Variants in LPIN1 observed in about 807,000 individuals in gnomAD.
The protein encoded by LPIN1 is lipin 1, also known as phosphatidate phosphatase LPIN1.
A neutral mutation model predicts 107.5 loss-of-function variants in LPIN1; 71 were observed. The observed-to-expected ratio is 0.66, with a 90% CI of 0.55 to 0.80. The LOEUF (loss-of-function observed/expected upper bound fraction) is 0.80. Among genes scored for constraint, LPIN1 ranks in the 30% least tolerant of loss-of-function variants. The pLI is 0.00. For missense variants in LPIN1, 1,043 were observed against 1,160.6 expected, an observed-to-expected ratio of 0.90 and a Z score of 1.47; for synonymous variants, 445 against 452.6, an observed-to-expected ratio of 0.98 and a Z score of 0.21.
chr2:11,804,498 T>C lies in LPIN1; in HGVS notation c.2089T>C (p.Cys697Arg). 1 of 1,614,200 alleles carries C rather than the reference T, an allele frequency of 6.2e-7. No individual in the cohort carries two copies. Among genetic ancestry groups the C allele is most frequent in the South Asian group, 1.1e-5 (1 of 91,078 alleles). ...VTTQYQGTCRCEGTIYLWNWD... is the reference protein window; with the variant it reads ...VTTQYQGTCRREGTIYLWNWD... ...CACGCAGTACCAAGGCACGTGCCGC[T>C]GTGAGGGCACCATCTATCTGTGGAA... The change falls in exon 16 of 21, where the codon TGT becomes CGT. Residue 697 changes from cysteine to arginine, a missense_variant. By Grantham distance (180) the Cys-to-Arg change is radical (BLOSUM62 -3). Coordinates refer to ENST00000674199, the MANE Select transcript of LPIN1 (RefSeq NM_001349206.2).
At chr2:11,779,899 G>A (rs532776908) in intron 7 of LPIN1, among the ~76,000 whole-genome samples, 1 of 109,188 alleles carries the variant, frequency 9.2e-6, no homozygotes, top group African/African-American at 3.0e-5. Flanking sequence ...TTTTTTTCTT[G>A]AGACAGAGTC....
At chr2:11,772,275 C>T (rs1671979544) in intron 4 of LPIN1, among the ~76,000 whole-genome samples, 1 of 152,180 alleles carries the variant, frequency 6.6e-6, no homozygotes, top group African/African-American at 2.4e-5. Context: ...GGGCATGGAC[C>T]CCAGGGGTTG....
intron 1 of LPIN1, among the ~76,000 whole-genome samples, chr2:11,678,331 G>A (rs1025017949): frequency 2.0e-5 from 3 of 152,210 alleles, no homozygotes; most frequent in Non-Finnish European, 2.9e-5. Context: ...AGTGGAGGGC[G>A]TTCGAATAAC....
chr2:11,815,041 G>A, intron 17 of LPIN1, 47 bp from the exon 18 acceptor site: 1 of 1,561,730 alleles, frequency 6.4e-7, no homozygotes, highest in South Asian at 1.1e-5. Context: ...ATGCAGAAAG[G>A]TTCCATTTTC....
chr2:11,713,501 C>T (rs1397696260), intron 1 of LPIN1, among the ~76,000 whole-genome samples: 2 of 152,208 alleles, frequency 1.3e-5, no homozygotes, highest in Non-Finnish European at 2.9e-5. Flanking sequence ...AAACTCCTGA[C>T]CTCAGGTGAT....
intron 1 of LPIN1, chr2:11,681,639 C>G (rs765755530): frequency 6.6e-6 from 1 of 152,380 alleles, no homozygotes; most frequent in African/African-American, 2.4e-5. Flanking sequence ...CCCGTCGGCT[C>G]TGTTCTTTCC....
Position 11,820,507 on chromosome 2 carries a change from A to C in LPIN1, c.2614A>C (p.Ile872Leu). 2 of 1,605,500 alleles carry C rather than the reference A, an allele frequency of 1.2e-6. No homozygotes were observed. Among genetic ancestry groups the C allele is most frequent in the Non-Finnish European group, 1.7e-6 (2 of 1,172,106 alleles). The change falls in exon 20 of 21, where the codon ATC becomes CTC. Residue 872 changes from isoleucine to leucine, a missense_variant. Coordinates refer to ENST00000674199, the MANE Select transcript of LPIN1 (RefSeq NM_001349206.2). ...GGTACAGGAACATGCAAAGACCAACATCTCTTCGTGAGTATTGTACACATT... is the reference window on the plus strand; with the variant it reads ...GGTACAGGAACATGCAAAGACCAACCTCTCTTCGTGAGTATTGTACACATT... ...ELVQEHAKTNISSYVRLCEVV... is the reference protein window; with the variant it reads ...ELVQEHAKTNLSSYVRLCEVV...
At chr2:11,769,489 G>A (rs1438144951) in intron 3 of LPIN1, among the ~76,000 whole-genome samples, 1 of 152,038 alleles carries the variant, frequency 6.6e-6, no homozygotes, top group Non-Finnish European at 1.5e-5. Flanking sequence ...CCCTTATCGG[G>A]TATATGATTT....
rs1671831771 is a variant in LPIN1, at chr2:11,771,493, C to A, written c.410C>A (p.Ala137Asp). 1.2e-6 allele frequency: 2 copies of A among 1,614,072 alleles called. No individual in the cohort carries two copies. Among genetic ancestry groups the A allele is most frequent in the Non-Finnish European group, 1.7e-6 (2 of 1,180,048 alleles). The change falls in exon 4 of 21, where the codon GCC (alanine) becomes GAC (aspartate). Residue 137 changes from alanine to aspartate, a missense_variant. Transcript: ENST00000674199. The surrounding 1 kb of genome is among the most constrained non-coding windows in gnomAD (Gnocchi z 4.8). ...RMRGLDPSTP[A>D]QVIAPSETPS... ...AGAGGCCTGGACCCCAGCACGCCAG[C>A]CCAAGTGATCGCTCCCAGCGAGACG...
intron 19 of LPIN1, among the ~76,000 whole-genome samples, chr2:11,820,000 C>T (rs1681244990): frequency 1.3e-5 from 2 of 152,264 alleles, no homozygotes; most frequent in African/African-American, 2.4e-5. Flanking sequence ...GAAAGAAGCG[C>T]TTTGAGATTT....
chr2:11,801,520 G>T (rs113712288), intron 14 of LPIN1, among the ~76,000 whole-genome samples: 4 of 152,272 alleles, frequency 2.6e-5, no homozygotes, highest in African/African-American at 9.6e-5. Flanking sequence ...CAAATATCAC[G>T]TGTTCTTACT....
intron 1 of LPIN1, among the ~76,000 whole-genome samples, chr2:11,740,712 G>GA (rs1321624540): frequency 9.5e-5 from 11 of 115,868 alleles, no homozygotes; most frequent in African/African-American, 2.9e-4. Context: ...AAGGAAGAAA[G>GA]AAAGAAAAGA....
At chr2:11,804,982 G>GTTTTTTTTT in intron 16 of LPIN1, 88 bp from the exon 17 acceptor site, 1 of 704,170 alleles carries the variant, frequency 1.4e-6, no homozygotes, top group Non-Finnish European at 2.4e-6. Flanking sequence ...TCTTGTTTGT[G>GTTTTTTTTT]TTTTTTTTTT....
At chr2:11,794,603 TA>T (rs1215565244) in intron 13 of LPIN1, among the ~76,000 whole-genome samples, 1 of 152,016 alleles carries the variant, frequency 6.6e-6, no homozygotes, top group Non-Finnish European at 1.5e-5. Context: ...TTTTCTTTAT[TA>T]AAGGACCGTA....
At chr2:11,745,761 T>G (rs946972577), upstream of LPIN1, 2 of 152,474 alleles carry the variant, frequency 1.3e-5, no homozygotes, top group Admixed American at 1.3e-4. Flanking sequence ...CTCCTTGCCT[T>G]GGCCTACAAG....
intron 10 of LPIN1, 25 bp downstream of exon 10, chr2:11,785,101 C>T: frequency 2.0e-6 from 3 of 1,514,292 alleles, no homozygotes; most frequent in Non-Finnish European, 2.6e-6. Flanking sequence ...GCGCGGGCGC[C>T]CTCTGGTGGC....
chr2:11,766,881 G>A (rs558715116), intron 2 of LPIN1, among the ~76,000 whole-genome samples: 5 of 152,308 alleles, frequency 3.3e-5, no homozygotes, highest in South Asian at 4.1e-4. Flanking sequence ...GGAGGAAAGC[G>A]TAATGGTGGT....
chr2:11,819,686 T>C (rs1681198607), intron 19 of LPIN1, 88 bp downstream of exon 19: 4 of 966,204 alleles, frequency 4.1e-6, no homozygotes, highest in Middle Eastern at 2.1e-4. Flanking sequence ...GAGAACCATA[T>C]GTAGAGTCAG....
At chr2:11,717,731 C>G (rs1484148468) in intron 2 of LPIN1, among the ~76,000 whole-genome samples, 1 of 150,838 alleles carries the variant, frequency 6.6e-6, no homozygotes, top group African/African-American at 2.4e-5. Context: ...GAAATAATAA[C>G]TCATTTATTC....
Sources: allele counts gnomAD v4.1 joint callset (sites outside exome capture counted in the v4.1 genomes callset), GRCh38; gene constraint gnomAD v4.1.1; non-coding constraint Gnocchi (gnomAD v3.1); transcripts MANE v1.5; gene names NCBI Gene and HGNC (gene_info 2026-07-23, HGNC 2026-07-21).